Variants in ERMP1 observed in about 807,000 individuals in gnomAD.
ERMP1 encodes the protein endoplasmic reticulum metallopeptidase 1.
Under a neutral mutation model 92.0 loss-of-function variants are expected in ERMP1, and 86 were observed. The ratio of observed to expected loss-of-function variants is 0.93; its 90% CI spans 0.79 to 1.12. The LOEUF (loss-of-function observed/expected upper bound fraction) is 1.12. ERMP1 is among the 50% of genes most tolerant of loss of function. The pLI is 0.00. For missense variants in ERMP1, 1,342 were observed against 1,116.3 expected (o/e 1.20, Z -2.88); for synonymous variants, 530 against 412.8 (o/e 1.28, Z -3.44).
At chr9:5,792,486 C>CT (rs1177781239) in intron 13 of ERMP1, among the ~76,000 whole-genome samples, 4 of 152,174 alleles carry the variant, frequency 2.6e-5, no homozygotes, top group Non-Finnish European at 5.9e-5. Context: ...ATATCTGACA[C>CT]TAAAAGTTTT....
intron 5 of ERMP1, among the ~76,000 whole-genome samples, chr9:5,859,918 C>T (rs1431362612): frequency 2.6e-5 from 4 of 152,140 alleles, no homozygotes; most frequent in African/African-American, 4.8e-5. Context: ...AAAAACCACA[C>T]CCCTGTATTA....
In ERMP1 at chr9:5,786,439, A is replaced by G. The variant is rs1383627541; in HGVS notation, c.*705T>C. The G allele has an allele frequency of 1.3e-5, 2 of 152,312 alleles. No homozygotes were observed. Among genetic ancestry groups the G allele is most frequent in the African/African-American group, 4.8e-5 (2 of 41,466 alleles). The allele number at this position is 152,312 out of a possible 1,614,324, so 9.4% of individuals were successfully genotyped here. Reference sequence around the variant, plus strand: ...ACTTGGTAAGATGGAGAGGGGTAACAGACATGTTTCAGAGGAAAACAGGCA... The same window carrying G: ...ACTTGGTAAGATGGAGAGGGGTAACGGACATGTTTCAGAGGAAAACAGGCA... On this transcript the variant is annotated 3_prime_UTR_variant, in exon 15 of 15. Coordinates refer to ENST00000339450, the MANE Select transcript of ERMP1 (RefSeq NM_024896.3).
At chr9:5,815,773 A>C (rs1829280738) in intron 4 of ERMP1, among the ~76,000 whole-genome samples, 1 of 152,176 alleles carries the variant, frequency 6.6e-6, no homozygotes, top group Admixed American at 6.5e-5. Flanking sequence ...AAATACCTTA[A>C]TCAAACGATG....
intron 6 of ERMP1, among the ~76,000 whole-genome samples, chr9:5,843,314 A>G (rs1239793438): frequency 6.6e-6 from 1 of 152,238 alleles, no homozygotes; most frequent in East Asian, 1.9e-4. Context: ...TCAGATATTT[A>G]TGTGAAACCT....
chr9:5,840,594 G>A (rs1185010563), intron 6 of ERMP1, among the ~76,000 whole-genome samples: 4 of 152,362 alleles, frequency 2.6e-5, no homozygotes, highest in South Asian at 4.1e-4. Context: ...AAATAGGGAT[G>A]CAAGAGGCAG....
chr9:5,795,410 G>A (rs1287428326), intron 13 of ERMP1, among the ~76,000 whole-genome samples: 1 of 152,094 alleles, frequency 6.6e-6, no homozygotes, highest in East Asian at 1.9e-4. Context: ...GTCAAGAAGT[G>A]GAAATAAAAA....
intron 6 of ERMP1, among the ~76,000 whole-genome samples, chr9:5,840,102 C>T (rs1170413837): frequency 3.9e-5 from 6 of 152,248 alleles, no homozygotes; most frequent in South Asian, 2.1e-4. Flanking sequence ...ATTAACCAGG[C>T]GTGGTGGCGC....
At chr9:5,802,600 G>A (rs1828713708) in intron 10 of ERMP1, among the ~76,000 whole-genome samples, 1 of 152,160 alleles carries the variant, frequency 6.6e-6, no homozygotes, top group African/African-American at 2.4e-5. Context: ...TGGCCAGGCT[G>A]GTCTTGAACT....
chr9:5,830,791 G>C lies in ERMP1; in HGVS notation c.576C>G (p.Pro192=), dbSNP rs752656372. ...NITNVVVKLE[P]RDGAQHAVLA... Reference sequence around the variant, plus strand: ...AGACAGCATGCTGGGCTCCATCTCTGGGTTCCAGCTTTACCACAACATTGG... The same window carrying C: ...AGACAGCATGCTGGGCTCCATCTCTCGGTTCCAGCTTTACCACAACATTGG... Residue 192 remains proline, a synonymous_variant, in exon 2 of 15, where the codon CCC becomes CCG. Coordinates refer to ENST00000339450, the MANE Select transcript of ERMP1 (RefSeq NM_024896.3). 6.2e-7 allele frequency: 1 copy of C among 1,614,094 alleles called. No homozygotes were observed. The highest frequency in any genetic ancestry group is 8.5e-7 in the Non-Finnish European group (1 of 1,179,992).
At chr9:5,840,809 T>C (rs948261680) in intron 6 of ERMP1, among the ~76,000 whole-genome samples, 8 of 152,214 alleles carry the variant, frequency 5.3e-5, no homozygotes, top group Non-Finnish European at 1.2e-4. Context: ...GTTGGAACCT[T>C]CATTTGCATG....
rs569993315 is a variant in ERMP1, at chr9:5,786,033, C to G, written c.*1111G>C. ...TGCCATTACGCAGGATCTGAACCAC[C>G]TACACGTACAGTGGTCTCATTCCAG... is the stretch of plus-strand genomic sequence containing the variant. On this transcript the variant is annotated 3_prime_UTR_variant, in exon 15 of 15. Coordinates refer to ENST00000339450, the MANE Select transcript of ERMP1 (RefSeq NM_024896.3). 1.3e-5 allele frequency: 2 copies of G among 152,326 alleles called. No individual in the cohort carries two copies. Among genetic ancestry groups the G allele is most frequent in the Admixed American group, 6.5e-5 (1 of 15,298 alleles). 9.4% of individuals were successfully genotyped at this position (152,326 alleles called of 1,614,324 possible).
intron 8 of ERMP1, among the ~76,000 whole-genome samples, chr9:5,807,044 C>G (rs562936328): frequency 6.6e-6 from 1 of 152,150 alleles, no homozygotes; most frequent in South Asian, 2.1e-4. Context: ...TATTATAGTT[C>G]AATTTGAAGC....
At chr9:5,859,338 AC>A (rs1563785495) in intron 6 of ERMP1, among the ~76,000 whole-genome samples, 1 of 151,852 alleles carries the variant, frequency 6.6e-6, no homozygotes, top group Non-Finnish European at 1.5e-5. Flanking sequence ...CACTTCCCCA[AC>A]CCTCATAACA....
chr9:5,807,492 T>C (rs1332349582), intron 8 of ERMP1, among the ~76,000 whole-genome samples: 1 of 152,116 alleles, frequency 6.6e-6, no homozygotes, highest in African/African-American at 2.4e-5. Flanking sequence ...ATGCCTATAA[T>C]CCCAACACTT....
intron 4 of ERMP1, among the ~76,000 whole-genome samples, chr9:5,818,470 C>T (rs1829405566): frequency 1.3e-5 from 2 of 152,182 alleles, no homozygotes; most frequent in African/African-American, 4.8e-5. Context: ...AATCCCAGCA[C>T]TTTGGGAGGC....
At chr9:5,842,951 G>A (rs1830184110) in intron 6 of ERMP1, among the ~76,000 whole-genome samples, 1 of 152,166 alleles carries the variant, frequency 6.6e-6, no homozygotes. Flanking sequence ...TAATATCCTA[G>A]CCAGAGATAA....
At chr9:5,862,476 G>C (rs1397563651) in intron 5 of ERMP1, among the ~76,000 whole-genome samples, 1 of 152,106 alleles carries the variant, frequency 6.6e-6, no homozygotes, top group Non-Finnish European at 1.5e-5. Flanking sequence ...AGGACTACAA[G>C]TGTGTGCCAC....
chr9:5,835,647 G>A (rs1047243726), upstream of ERMP1, among the ~76,000 whole-genome samples: 2 of 152,152 alleles, frequency 1.3e-5, no homozygotes, highest in African/African-American at 4.8e-5. Flanking sequence ...TGGTAGATGT[G>A]AGGTGACAGA....
chr9:5,840,079 T>G (rs1459824656), intron 6 of ERMP1, among the ~76,000 whole-genome samples: 2 of 152,108 alleles, frequency 1.3e-5, no homozygotes, highest in Non-Finnish European at 2.9e-5. Context: ...CCGTCTCTAC[T>G]AAAAATACAG....
Sources: allele counts gnomAD v4.1 joint callset (sites outside exome capture counted in the v4.1 genomes callset), GRCh38; gene constraint gnomAD v4.1.1; transcripts MANE v1.5; gene names NCBI Gene and HGNC (gene_info 2026-07-23, HGNC 2026-07-21).